Variants in PTPRD observed in about 807,000 individuals in gnomAD.
The protein encoded by PTPRD is protein tyrosine phosphatase receptor type D.
A neutral mutation model predicts 214.5 loss-of-function variants in PTPRD; 34 were observed. That is an observed-to-expected ratio of 0.16 (90% CI 0.12 to 0.21). PTPRD has a LOEUF of 0.21. PTPRD is among the 10% of genes least tolerant of loss of function. PTPRD has a pLI of 1.00. For missense variants in PTPRD, 2,545 were observed against 2,398.7 expected (o/e 1.06, Z -1.27); for synonymous variants, 1,128 against 845.7 (o/e 1.33, Z -5.79).
chr9:9,536,329 C>A (rs2076516519), intron 8 of PTPRD, among the ~76,000 whole-genome samples: 1 of 151,856 alleles, frequency 6.6e-6, no homozygotes, highest in Admixed American at 6.6e-5. Context: ...TGCTTACTGG[C>A]AGGTCAGGCT....
intron 2 of PTPRD, among the ~76,000 whole-genome samples, chr9:10,454,241 T>C (rs761907431): frequency 4.0e-5 from 6 of 151,622 alleles, no homozygotes; most frequent in Non-Finnish European, 7.4e-5. Context: ...CATATTTCCT[T>C]GCTTTCCTGA....
intron 9 of PTPRD, among the ~76,000 whole-genome samples, chr9:9,381,877 A>T: frequency 6.7e-6 from 1 of 150,266 alleles, no homozygotes; most frequent in African/African-American, 2.4e-5. Flanking sequence ...GTTCCATGTG[A>T]AATTTAGTAT....
intron 14 of PTPRD, among the ~76,000 whole-genome samples, chr9:8,591,953 A>T (rs1180850916): frequency 6.6e-6 from 1 of 152,154 alleles, no homozygotes; most frequent in East Asian, 1.9e-4. Context: ...CAGAGAAAAA[A>T]TAAATTTGGG....
intron 10 of PTPRD, among the ~76,000 whole-genome samples, chr9:9,040,391 T>C (rs1317616084): frequency 1.3e-5 from 2 of 152,204 alleles, no homozygotes; most frequent in East Asian, 3.9e-4. Context: ...GTACTGTTGT[T>C]CTTTAGTAAA....
chr9:10,273,156 C>G (rs2094508348), intron 3 of PTPRD, among the ~76,000 whole-genome samples: 2 of 152,088 alleles, frequency 1.3e-5, no homozygotes, highest in Non-Finnish European at 2.9e-5. Flanking sequence ...ATACATAATC[C>G]CACAAGGGAA....
intron 7 of PTPRD, among the ~76,000 whole-genome samples, chr9:9,715,753 T>A (rs1340650078): frequency 6.6e-6 from 1 of 152,206 alleles, no homozygotes; most frequent in Admixed American, 6.5e-5. Context: ...GAGAGGTTAA[T>A]CAAAGCTGAA....
chr9:10,262,144 A>C (rs919463736), intron 3 of PTPRD, among the ~76,000 whole-genome samples: 4 of 152,200 alleles, frequency 2.6e-5, no homozygotes, highest in African/African-American at 9.6e-5. Context: ...GAAATTATTT[A>C]AAAATCAGTG....
intron 10 of PTPRD, among the ~76,000 whole-genome samples, chr9:9,133,785 G>A (rs1569550435): frequency 6.6e-6 from 1 of 152,152 alleles, no homozygotes; most frequent in Non-Finnish European, 1.5e-5. Flanking sequence ...GGGCTTTAGG[G>A]AACAGGGGCT....
chr9:9,520,494 T>C (rs923318956), intron 8 of PTPRD, among the ~76,000 whole-genome samples: 6 of 152,068 alleles, frequency 3.9e-5, no homozygotes, highest in African/African-American at 1.4e-4. Context: ...CCCATGCATT[T>C]GTGTGTTCTC....
chr9:9,344,773 G>A (rs896099591), intron 9 of PTPRD, among the ~76,000 whole-genome samples: 1 of 151,810 alleles, frequency 6.6e-6, no homozygotes, highest in Admixed American at 6.6e-5. Flanking sequence ...TTTTGAAAAA[G>A]TTTTATAATT....
rs187113831 is a variant in PTPRD at position 8,618,584 on chromosome 9, G to T, written c.352+14733C>A. On this transcript the variant is annotated intron_variant, in intron 14 of 45. Coordinates refer to ENST00000381196, the MANE Select transcript of PTPRD (RefSeq NM_002839.4). ...CCAGAGGTTTCAAAGAGAAAGCCAT[G>T]GAGTCATAAAACACCAAGACAACTC... is the stretch of plus-strand genomic sequence containing the variant. 8.8e-4 allele frequency among the ~76,000 whole-genome samples: 134 copies of T among 152,136 alleles called. 1 individual carries two copies. The highest frequency in any genetic ancestry group is 1.7e-3 in the Non-Finnish European group (114 of 67,952).
intron 4 of PTPRD, among the ~76,000 whole-genome samples, chr9:9,957,299 GTGAAACA>G (rs2094005529): frequency 6.6e-6 from 1 of 152,022 alleles, no homozygotes; most frequent in African/African-American, 2.4e-5. Context: ...ATAAAATCCT[GTGAAACA>G]TTAATGTACA....
intron 11 of PTPRD, among the ~76,000 whole-genome samples, chr9:8,947,027 T>G (rs1158911494): frequency 8.8e-6 from 1 of 113,962 alleles, no homozygotes. Context: ...TTTTTTTCTT[T>G]TCTTTTTTTT....
chr9:8,772,715 C>T (rs1466313247), intron 11 of PTPRD, among the ~76,000 whole-genome samples: 1 of 151,994 alleles, frequency 6.6e-6, no homozygotes, highest in African/African-American at 2.4e-5. Context: ...ACATCTGTGT[C>T]AATTCTGAGT....
chr9:9,994,758 A>G (rs192125537), intron 4 of PTPRD, among the ~76,000 whole-genome samples: 52 of 152,278 alleles, frequency 3.4e-4, no homozygotes, highest in African/African-American at 1.2e-3. Flanking sequence ...ATATTTATCA[A>G]TTGTATTACA....
intron 4 of PTPRD, among the ~76,000 whole-genome samples, chr9:10,019,265 A>T (rs1055380493): frequency 2.0e-5 from 3 of 152,318 alleles, no homozygotes; most frequent in African/African-American, 4.8e-5. Flanking sequence ...ATCATTAAAA[A>T]GTCAGGAAAA....
intron 5 of PTPRD, among the ~76,000 whole-genome samples, chr9:9,778,925 A>T (rs2098820953): frequency 6.6e-6 from 1 of 151,932 alleles, no homozygotes; most frequent in Admixed American, 6.6e-5. Flanking sequence ...AAAAGAACAA[A>T]GCCAGGGCAT....
chr9:9,963,248 C>A (rs996459673), intron 4 of PTPRD, among the ~76,000 whole-genome samples: 2 of 152,068 alleles, frequency 1.3e-5, no homozygotes, highest in Admixed American at 1.3e-4. Context: ...ACTTACTTGA[C>A]TCCATTAAAC....
At chr9:8,395,643 T>C (rs1234749336) in intron 36 of PTPRD, among the ~76,000 whole-genome samples, 1 of 150,770 alleles carries the variant, frequency 6.6e-6, no homozygotes, top group Non-Finnish European at 1.5e-5. Flanking sequence ...TTTTTTTTTT[T>C]AAAAGCATGC....
Sources: allele counts gnomAD v4.1 joint callset (sites outside exome capture counted in the v4.1 genomes callset), GRCh38; gene constraint gnomAD v4.1.1; transcripts MANE v1.5; gene names NCBI Gene and HGNC (gene_info 2026-07-23, HGNC 2026-07-21).